The following TRAF7 variants were observed in gnomAD, a reference collection of about 807,000 sequenced individuals.
The protein encoded by TRAF7 is E3 ubiquitin-protein ligase TRAF7.
Under a neutral mutation model 89.3 loss-of-function variants are expected in TRAF7, and 45 were observed. That is an observed-to-expected ratio of 0.50 (90% CI 0.40 to 0.65). The LOEUF (loss-of-function observed/expected upper bound fraction) is 0.65, where lower values mean the gene tolerates loss of function less well. Among genes scored for constraint, TRAF7 ranks in the 30% least tolerant of loss-of-function variants. The pLI, the probability that TRAF7 is intolerant of heterozygous loss-of-function variation, is 0.00. For missense variants in TRAF7, 677 were observed against 918.1 expected, an observed-to-expected ratio of 0.74 and a Z score of 3.39; for synonymous variants, 406 against 369.2, an observed-to-expected ratio of 1.10 and a Z score of -1.14.
In TRAF7 at chr16:2,177,021, G is replaced by T. The variant is rs917885861; in HGVS notation, c.*447G>T. On this transcript the variant is annotated 3_prime_UTR_variant, in exon 21 of 21. Coordinates refer to ENST00000326181, the MANE Select transcript of TRAF7 (RefSeq NM_032271.3). ...TGTGCACAGGCACTGGCTGCTGTGA[G>T]TGGGGGGGCATGGGGCAGTTTCCTT... is the stretch of plus-strand genomic sequence containing the variant. The T allele has an allele frequency of 6.0e-6, 2 of 332,066 alleles. No individual in the cohort carries two copies. The highest frequency in any genetic ancestry group is 1.1e-5 in the Non-Finnish European group (2 of 176,204). The allele number at this position is 332,066 out of a possible 1,614,324, so 20.6% of individuals were successfully genotyped here.
At chr16:2,164,175 CGCGCGCACGCGT>C (rs1277960301) in intron 2 of TRAF7, among the ~76,000 whole-genome samples, 174 bp downstream of exon 2, 9 of 119,622 alleles carry the variant, frequency 7.5e-5, no homozygotes, top group South Asian at 2.5e-4. Flanking sequence ...CGCGCGCGCG[CGCGCGCACGCGT>C]GCGTGTGTGG....
At position 2,163,589 on chromosome 16, in the gene TRAF7, A is replaced by C. The variant is rs1266463463; in HGVS notation, c.-38-294A>C. On this transcript the variant is annotated intron_variant, in intron 1 of 20. Transcript: ENST00000326181. This position sits in a 1 kb window ranked among gnomAD's most constrained non-coding sequence, Gnocchi z 4.3. ...CCCAGAGGAGTAGAGGGAGCCAGGC[A>C]GGGGTCCCTCCACCTCGGGGAAGAG... 5.3e-6 allele frequency: 2 copies of C among 376,318 alleles called. No homozygotes were observed. The highest frequency in any genetic ancestry group is 4.2e-5 in the African/African-American group (2 of 47,256). The allele number at this position is 376,318 out of a possible 1,614,324, so 23.3% of individuals were successfully genotyped here. A position where few individuals can be genotyped will look rare whatever the true frequency, so the allele number is the denominator to read the frequency against.
intron 4 of TRAF7, 115 bp from the exon 5 acceptor site, chr16:2,170,499 C>G (rs866479151): frequency 1.4e-5 from 10 of 725,398 alleles, no homozygotes; most frequent in African/African-American, 1.2e-4. Context: ...CCGCAGGGAC[C>G]GGGGTGGCCC....
chr16:2,161,265 C>G lies in TRAF7; in HGVS notation c.-38-2618C>G, dbSNP rs989523583. 3.3e-5 allele frequency among the ~76,000 whole-genome samples: 5 copies of G among 150,812 alleles called. No homozygotes were observed. The highest frequency in any genetic ancestry group is 5.9e-5 in the Non-Finnish European group (4 of 67,674). ...CTCCGTCCCCTCCCTCCTTCCGTCC[C>G]CCTCAGCTGGCGCTCGATGGGGTCT... On this transcript the variant is annotated intron_variant, in intron 1 of 20. Transcript: ENST00000326181. This position sits in a 1 kb window ranked among gnomAD's most constrained non-coding sequence, Gnocchi z 5.2.
In TRAF7 at chr16:2,163,192, C is replaced by A. The variant is rs1271632743; in HGVS notation, c.-38-691C>A. ...AGGGTGATTCCCGCATGCCTTCTCC[C>A]TGCCCCCCCACCCACCAGCCCCTGA... On this transcript the variant is annotated intron_variant, in intron 1 of 20. Coordinates refer to ENST00000326181, the MANE Select transcript of TRAF7 (RefSeq NM_032271.3). This position sits in a 1 kb window ranked among gnomAD's most constrained non-coding sequence, Gnocchi z 4.3. Among the ~76,000 whole-genome samples, 1 of 152,162 alleles carries A rather than the reference C, an allele frequency of 6.6e-6. No individual in the cohort carries two copies. Among genetic ancestry groups the A allele is most frequent in the Non-Finnish European group, 1.5e-5 (1 of 68,014 alleles).
intron 3 of TRAF7, 56 bp downstream of exon 3, chr16:2,165,992 C>T (rs1436195843): frequency 6.2e-7 from 1 of 1,603,072 alleles, no homozygotes; most frequent in Non-Finnish European, 8.5e-7. Context: ...CACCCCCATG[C>T]CCACCCTGCT....
chr16:2,172,683 C>T lies in TRAF7; in HGVS notation c.794+84C>T, dbSNP rs945101886. 6.2e-5 allele frequency: 90 copies of T among 1,453,542 alleles called. No individual in the cohort carries two copies. The Admixed American group carries it at 1.5e-3, about 24-fold the overall frequency. The allele number at this position is 1,453,542 out of a possible 1,614,324, so 90.0% of individuals were successfully genotyped here. A position where few individuals can be genotyped will look rare whatever the true frequency, so the allele number is the denominator to read the frequency against. ...CTGAGAGCTGCCCGCTTGCTGGTCC[C>T]GGGGAGGTAGGCCGGAGCTGGGGCC... is the stretch of plus-strand genomic sequence containing the variant. On this transcript the variant is annotated intron_variant, in intron 9 of 20. Transcript: ENST00000326181.
chr16:2,175,395 G>T lies in TRAF7; in HGVS notation c.1481G>T (p.Ser494Ile), dbSNP rs1215074850. ...GTCTCCTCACACAACGTGCTCTTCA[G>T]CGGCTCCCTGAAGGCCATCAAGGTA... ...TLVSSHNVLF[S>I]GSLKAIKVWD... Residue 494 changes from serine to isoleucine, a missense_variant, in exon 16 of 21, where the codon AGC becomes ATC. Ser to Ile is a moderately radical substitution (Grantham distance 142). Around this residue, in one of 6 missense-constraint regions of TRAF7, gnomAD observed 160 missense variants for 263.7 expected, o/e 0.61. Coordinates refer to ENST00000326181, the MANE Select transcript of TRAF7 (RefSeq NM_032271.3). 6.2e-7 allele frequency: 1 copy of T among 1,613,612 alleles called. No individual in the cohort carries two copies. Among genetic ancestry groups the T allele is most frequent in the Non-Finnish European group, 8.5e-7 (1 of 1,179,976 alleles).
intron 2 of TRAF7, among the ~76,000 whole-genome samples, chr16:2,165,499 C>T (rs1412355816): frequency 1.1e-4 from 14 of 128,166 alleles, no homozygotes; most frequent in African/African-American, 4.5e-4. Context: ...GTGGCGCAGC[C>T]TGGTCGCATG....
Position 2,176,771 on chromosome 16 carries a change from C to G in TRAF7, c.*197C>G, listed in dbSNP as rs373176573. On this transcript the variant is annotated 3_prime_UTR_variant, in exon 21 of 21. Coordinates refer to ENST00000326181, the MANE Select transcript of TRAF7 (RefSeq NM_032271.3). ...CTCGGCACTGTCCTTGCTGCCCAGCCCCTCTCTGGGTGCCAGGTACGACGC... is the reference window on the plus strand; with the variant it reads ...CTCGGCACTGTCCTTGCTGCCCAGCGCCTCTCTGGGTGCCAGGTACGACGC... 3.1e-5 allele frequency: 24 copies of G among 776,870 alleles called. No homozygotes were observed. The highest frequency in any genetic ancestry group is 2.2e-4 in the East Asian group (8 of 37,114). 48.1% of individuals were successfully genotyped at this position (776,870 alleles called of 1,614,324 possible).
chr16:2,172,700 GCTGGGGCCACACCGGGGT>G (rs2093117944), intron 9 of TRAF7, 101 bp downstream of exon 9: 1 of 1,370,538 alleles, frequency 7.3e-7, no homozygotes, highest in Non-Finnish European at 9.9e-7. Flanking sequence ...GTAGGCCGGA[GCTGGGGCCACACCGGGGT>G]CTGTAATCCT....
At position 2,168,239 on chromosome 16, in the gene TRAF7, TC is replaced by T; in HGVS notation, c.231+74del. 7.4e-7 allele frequency: 1 copy of T among 1,357,576 alleles called. No individual in the cohort carries two copies. The highest frequency in any genetic ancestry group is 1.0e-6 in the Non-Finnish European group (1 of 983,752). The allele number at this position is 1,357,576 out of a possible 1,614,324, so 84.1% of individuals were successfully genotyped here. A position where few individuals can be genotyped will look rare whatever the true frequency, so the allele number is the denominator to read the frequency against. On this transcript the variant is annotated intron_variant, in intron 4 of 20. Transcript: ENST00000326181. This position sits in a 1 kb window ranked among gnomAD's most constrained non-coding sequence, Gnocchi z 4.1. ...CATCCTCCCTCCTGGGGGAACCAGG[TC>T]CCAGGAGGAGTTGACAGTGAGCTGG... is the stretch of plus-strand genomic sequence containing the variant.
intron 12 of TRAF7, 21 bp downstream of exon 12, chr16:2,173,857 G>GCGGGGCGGCCCCCCC: frequency 1.9e-6 from 3 of 1,607,504 alleles, no homozygotes; most frequent in South Asian, 1.1e-5. Context: ...ACCCGCCGTG[G>GCGGGGCGGCCCCCCC]CTCCCGCCCA....
At chr16:2,156,315 T>G (rs1404841333) in intron 1 of TRAF7, among the ~76,000 whole-genome samples, 1 of 152,114 alleles carries the variant, frequency 6.6e-6, no homozygotes, top group East Asian at 1.9e-4. Context: ...GCCTGGCTCC[T>G]GGCCGCTAGA....
chr16:2,157,676 G>A (rs371698045), intron 1 of TRAF7, among the ~76,000 whole-genome samples: 5 of 151,696 alleles, frequency 3.3e-5, no homozygotes, highest in African/African-American at 1.2e-4. Flanking sequence ...AAAGGAGGAA[G>A]ATGCAGTTGA....
At chr16:2,173,859 T>TTGCC (rs1555466671) in intron 12 of TRAF7, 23 bp downstream of exon 12, 13 of 1,246,188 alleles carry the variant, frequency 1.0e-5, no homozygotes, top group Non-Finnish European at 1.3e-5. Flanking sequence ...CCGCCGTGGC[T>TTGCC]CCCGCCCACC....
Position 2,170,589 on chromosome 16 carries a change from G to A in TRAF7, c.232-25G>A, listed in dbSNP as rs546427525. The A allele has an allele frequency of 1.7e-4, 264 of 1,593,884 alleles. 3 individuals carry two copies. In the South Asian group the frequency reaches 2.6e-3, roughly 16 times the overall value. On this transcript the variant is annotated intron_variant, in intron 4 of 20. Coordinates refer to ENST00000326181, the MANE Select transcript of TRAF7 (RefSeq NM_032271.3). ...GCTCTGACCCCGTGCGGAGCCCCCC[G>A]ACAGGCGCCTCTCCCTCCACACAGC...
chr16:2,165,912 T>C lies in TRAF7; in HGVS notation c.115T>C (p.Ser39Pro), dbSNP rs2093084892. The C allele has an allele frequency of 6.2e-7, 1 of 1,614,132 alleles. No individual in the cohort carries two copies. Among genetic ancestry groups the C allele is most frequent in the Non-Finnish European group, 8.5e-7 (1 of 1,179,986 alleles). The change falls in exon 3 of 21, where the codon TCA (serine) becomes CCA (proline). Residue 39 changes from serine to proline, a missense_variant. Coordinates refer to ENST00000326181, the MANE Select transcript of TRAF7 (RefSeq NM_032271.3). ...GGAAACGACCTTCGGACCCGCCTTTTCAGCCGTCACCACCATCACAAAAGG... is the reference window on the plus strand; with the variant it reads ...GGAAACGACCTTCGGACCCGCCTTTCCAGCCGTCACCACCATCACAAAAGG... ...RMETTFGPAFSAVTTITKADG... is the reference protein window; with the variant it reads ...RMETTFGPAFPAVTTITKADG...
chr16:2,173,823 G>C lies in TRAF7; in HGVS notation c.1122G>C (p.Met374Ile). The change falls in exon 12 of 21, where the codon ATG becomes ATC. Residue 374 changes from methionine to isoleucine, a missense_variant. By Grantham distance (10) the Met-to-Ile change is conservative (BLOSUM62 1). This residue lies in a region of TRAF7 where 238 missense variants were observed against 352.6 expected (regional missense o/e 0.67). Transcript: ENST00000326181. ...ELSHINARLN[M>I]GILGSYDPQQ... ...CCCACATCAACGCGCGGCTGAACAT[G>C]GGCATCCTAGGCTGTGAGTATGGAC... 6.2e-7 allele frequency: 1 copy of C among 1,610,950 alleles called. No individual in the cohort carries two copies. The highest frequency in any genetic ancestry group is 1.1e-5 in the South Asian group (1 of 91,018).
Sources: gnomAD v4.1 joint callset for allele counts (sites outside exome capture counted in the v4.1 genomes callset) on GRCh38, gnomAD v4.1.1 for gene constraint, gnomAD v4.1.1 regional missense constraint, Gnocchi (gnomAD v3.1) non-coding constraint, MANE v1.5 for transcripts, NCBI Gene and HGNC (gene_info 2026-07-23, HGNC 2026-07-21) for gene names.